Variants in OSBPL5 observed in about 807,000 individuals in gnomAD.
OSBPL5 encodes the protein oxysterol-binding protein-related protein 5.
A neutral mutation model predicts 111.2 loss-of-function variants in OSBPL5; 71 were observed. That is an observed-to-expected ratio of 0.64 (90% CI 0.53 to 0.78). OSBPL5 has a LOEUF of 0.78. Ranked by LOEUF, OSBPL5 falls within the 30% of genes least tolerant of loss-of-function variation. The probability of loss-of-function intolerance (pLI) is 0.00; values close to 1 mark genes in which losing one functional copy is unlikely to be tolerated. For missense variants in OSBPL5, 1,210 were observed against 1,189.3 expected (o/e 1.02, Z -0.26); for synonymous variants, 549 against 513.9 (o/e 1.07, Z -0.93).
Position 3,106,463 on chromosome 11 carries a change from C to T in OSBPL5, c.1059+800G>A, listed in dbSNP as rs760903025. On this transcript the variant is annotated intron_variant, in intron 9 of 21. Coordinates refer to ENST00000263650, the MANE Select transcript of OSBPL5 (RefSeq NM_020896.4). The surrounding 1 kb of genome is among the most constrained non-coding windows in gnomAD (Gnocchi z 8.4). ...TCCTCAGCCTGCACCCGTCACCCAG[C>T]GGAAGCTTAGATCCTGTGATTCCTT... Among the ~76,000 whole-genome samples, 1 of 151,880 alleles carries T rather than the reference C, an allele frequency of 6.6e-6. No individual in the cohort carries two copies. Among genetic ancestry groups the T allele is most frequent in the South Asian group, 2.1e-4 (1 of 4,808 alleles).
rs377169210 is a variant in OSBPL5 at position 3,125,745 on chromosome 11, C to A, written c.219+728G>T. Reference sequence around the variant, plus strand: ...GTGTGAACCCGGGAGGCGGAGCTTGCAGTGAGCCGAGATCGCGCCACTGCA... The same window carrying A: ...GTGTGAACCCGGGAGGCGGAGCTTGAAGTGAGCCGAGATCGCGCCACTGCA... On this transcript the variant is annotated intron_variant, in intron 3 of 21. Transcript: ENST00000263650. Among the ~76,000 whole-genome samples the A allele has an allele frequency of 5.5e-5, 8 of 144,314 alleles. No individual in the cohort carries two copies. The East Asian group carries it at 1.6e-3, about 29-fold the overall frequency. 94.7% of individuals were successfully genotyped at this position (144,314 alleles called of 152,430 possible).
At chr11:3,163,578 C>T (rs1160612531) in intron 1 of OSBPL5, among the ~76,000 whole-genome samples, 1 of 152,192 alleles carries the variant, frequency 6.6e-6, no homozygotes, top group Admixed American at 6.5e-5. Flanking sequence ...GAAAGCAGTC[C>T]TTTGAAGAAC....
At chr11:3,091,568 C>T (rs72844052) in intron 19 of OSBPL5, among the ~76,000 whole-genome samples, 8 of 151,808 alleles carry the variant, frequency 5.3e-5, no homozygotes, top group Non-Finnish European at 1.0e-4. Context: ...GGCTGAGGAG[C>T]GGGACTGCGA....
chr11:3,093,871 G>T (rs200672096), intron 15 of OSBPL5, 36 bp from the exon 16 acceptor site: 2 of 1,586,582 alleles, frequency 1.3e-6, no homozygotes, highest in African/African-American at 1.3e-5. Context: ...CCCAGTGAGC[G>T]GGGGCTGGGG....
At position 3,107,894 on chromosome 11, in the gene OSBPL5, A is replaced by G. The variant is rs1185433901; in HGVS notation, c.743T>C (p.Leu248Pro). 1 of 1,604,686 alleles carries G rather than the reference A, an allele frequency of 6.2e-7. No homozygotes were observed. The highest frequency in any genetic ancestry group is 8.5e-7 in the Non-Finnish European group (1 of 1,179,858). Reference sequence around the variant, plus strand: ...GCCCGGCTTGCAGGTGCCCAGTCTCAGTAGGCTAGAGCAGCGCAGGGCCAG... The same window carrying G: ...GCCCGGCTTGCAGGTGCCCAGTCTCGGTAGGCTAGAGCAGCGCAGGGCCAG... ...LELALRCSSL[L>P]RLGTCKPGRD... The change falls in exon 8 of 22, where the codon CTG (leucine) becomes CCG (proline). Residue 248 changes from leucine to proline, a missense_variant. By Grantham distance (98) the Leu-to-Pro change is moderately conservative. Coordinates refer to ENST00000263650, the MANE Select transcript of OSBPL5 (RefSeq NM_020896.4). The surrounding 1 kb of genome is among the most constrained non-coding windows in gnomAD (Gnocchi z 6.1).
intron 14 of OSBPL5, chr11:3,094,577 T>C (rs1857192104): frequency 2.0e-6 from 1 of 499,176 alleles, no homozygotes; most frequent in African/African-American, 2.0e-5. Flanking sequence ...GCACGGAGCC[T>C]GGGAGGCACG....
At chr11:3,144,144 G>A (rs1355487514) in intron 1 of OSBPL5, among the ~76,000 whole-genome samples, 1 of 152,174 alleles carries the variant, frequency 6.6e-6, no homozygotes, top group Non-Finnish European at 1.5e-5. Context: ...GGTTCAAGCA[G>A]GCTGCATCAG....
intron 7 of OSBPL5, among the ~76,000 whole-genome samples, chr11:3,117,460 T>G (rs1052943861): frequency 3.9e-5 from 6 of 152,244 alleles, no homozygotes; most frequent in Admixed American, 3.3e-4. Context: ...CAAAGTTCCA[T>G]CAAAGACAAT....
intron 1 of OSBPL5, among the ~76,000 whole-genome samples, chr11:3,144,127 G>A (rs1387619967): frequency 1.3e-5 from 2 of 152,174 alleles, no homozygotes; most frequent in Non-Finnish European, 2.9e-5. Context: ...TTTATTGTTT[G>A]TGAGGTGGTT....
At position 3,126,584 on chromosome 11, in the gene OSBPL5, C is replaced by A; in HGVS notation, c.137-29G>T. The A allele has an allele frequency of 6.3e-7, 1 of 1,588,322 alleles. No individual in the cohort carries two copies. On this transcript the variant is annotated intron_variant, in intron 2 of 21. Coordinates refer to ENST00000263650, the MANE Select transcript of OSBPL5 (RefSeq NM_020896.4). This position sits in a 1 kb window ranked among gnomAD's most constrained non-coding sequence, Gnocchi z 6.5. The stretch of plus-strand genomic sequence containing the variant: ...CAAGAGAGCAGTGGGAGTGAGGACC[C>A]AGGCATGGTGGCGTGGCCAGGCTTC...
At chr11:3,139,977 A>G (rs1483821600) in intron 1 of OSBPL5, among the ~76,000 whole-genome samples, 1 of 152,196 alleles carries the variant, frequency 6.6e-6, no homozygotes. Flanking sequence ...AGGCCTGCAG[A>G]GGTGCCCCCC....
In OSBPL5 at chr11:3,109,247, T is replaced by G. The variant is rs1857824818; in HGVS notation, c.692-1302A>C. Among the ~76,000 whole-genome samples, 1 of 151,246 alleles carries G rather than the reference T, an allele frequency of 6.6e-6. No homozygotes were observed. Among genetic ancestry groups the G allele is most frequent in the South Asian group, 2.1e-4 (1 of 4,774 alleles). On this transcript the variant is annotated intron_variant, in intron 7 of 21. Coordinates refer to ENST00000263650, the MANE Select transcript of OSBPL5 (RefSeq NM_020896.4). The surrounding 1 kb of genome is among the most constrained non-coding windows in gnomAD (Gnocchi z 7.4). Reference sequence around the variant, plus strand: ...GGATTACAGGTGCCTGCCTGTAATTTTTTTGTATTTTTAGTAGAGATGGGG... The same window carrying G: ...GGATTACAGGTGCCTGCCTGTAATTGTTTTGTATTTTTAGTAGAGATGGGG...
intron 7 of OSBPL5, among the ~76,000 whole-genome samples, chr11:3,112,620 T>G (rs904904550): frequency 3.9e-5 from 6 of 152,154 alleles, no homozygotes; most frequent in African/African-American, 1.4e-4. Flanking sequence ...TCACGTGGTC[T>G]AACCTCATGA....
Position 3,119,774 on chromosome 11 carries a change from C to T in OSBPL5, c.607-143G>A, listed in dbSNP as rs975571636. The T allele has an allele frequency of 1.2e-5, 8 of 679,028 alleles. No individual in the cohort carries two copies. The South Asian group carries it at 1.6e-4, about 14-fold the overall frequency. The allele number at this position is 679,028 out of a possible 1,614,324, so 42.1% of individuals were successfully genotyped here. On this transcript the variant is annotated intron_variant, in intron 6 of 21. Transcript: ENST00000263650. ...CAGGGCCACCAGGTGGGGCCAGGCA[C>T]CTGGCCAGGTAGACACTTGGCTGCA...
Position 3,110,644 on chromosome 11 carries a change from C to T in OSBPL5, c.692-2699G>A, listed in dbSNP as rs559965045. 6.6e-6 allele frequency among the ~76,000 whole-genome samples: 1 copy of T among 152,266 alleles called. No individual in the cohort carries two copies. The highest frequency in any genetic ancestry group is 2.4e-5 in the African/African-American group (1 of 41,544). On this transcript the variant is annotated intron_variant, in intron 7 of 21. Coordinates refer to ENST00000263650, the MANE Select transcript of OSBPL5 (RefSeq NM_020896.4). This position sits in a 1 kb window ranked among gnomAD's most constrained non-coding sequence, Gnocchi z 5.3. Reference sequence around the variant, plus strand: ...CTGGGAACTGCTTAGGGCCAACCTGCCTCCCATTCTATTCCAAGTCACCCC... The same window carrying T: ...CTGGGAACTGCTTAGGGCCAACCTGTCTCCCATTCTATTCCAAGTCACCCC...
chr11:3,103,859 C>CAGCCCCTTTCCTGCCTCT (rs1564830734), intron 10 of OSBPL5, among the ~76,000 whole-genome samples: 2 of 40,584 alleles, frequency 4.9e-5, no homozygotes, highest in Non-Finnish European at 1.2e-4. Flanking sequence ...TTCCAGTCTG[C>CAGCCCCTTTCCTGCCTCT]GCAGCCCCCT....
At position 3,092,533 on chromosome 11, in the gene OSBPL5, C is replaced by T; in HGVS notation, c.2158G>A (p.Asp720Asn). 6.3e-7 allele frequency: 1 copy of T among 1,590,970 alleles called. No homozygotes were observed. Among genetic ancestry groups the T allele is most frequent in the Non-Finnish European group, 8.6e-7 (1 of 1,168,986 alleles). The change falls in exon 19 of 22, where the codon GAC (aspartate) becomes AAC (asparagine). Residue 720 changes from aspartate (D) to asparagine (N), a missense_variant. By Grantham distance (23) the Asp-to-Asn change is conservative. Transcript: ENST00000263650. This position sits in a 1 kb window ranked among gnomAD's most constrained non-coding sequence, Gnocchi z 5.4. ...CCGTCTTGCTCAAACTGGGCGATGTCCTTCAGGGGGTCCCAGGGGCTGTGG... is the reference window on the plus strand; with the variant it reads ...CCGTCTTGCTCAAACTGGGCGATGTTCTTCAGGGGGTCCCAGGGGCTGTGG... ...EDHSPWDPLK[D>N]IAQFEQDGIL... is the part of the protein sequence containing the mutation.
Position 3,126,601 on chromosome 11 carries a change from C to T in OSBPL5, c.137-46G>A. 1 of 1,533,390 alleles carries T rather than the reference C, an allele frequency of 6.5e-7. No homozygotes were observed. Among genetic ancestry groups the T allele is most frequent in the Non-Finnish European group, 8.8e-7 (1 of 1,132,362 alleles). 95.0% of individuals were successfully genotyped at this position (1,533,390 alleles called of 1,614,324 possible). ...TGAGGACCCAGGCATGGTGGCGTGG[C>T]CAGGCTTCTCAGGCCGCTGCCTGGT... On this transcript the variant is annotated intron_variant, in intron 2 of 21. Transcript: ENST00000263650. This position sits in a 1 kb window ranked among gnomAD's most constrained non-coding sequence, Gnocchi z 6.5.
At chr11:3,119,740 CCAGGGCCA>C (rs1171489017) in intron 6 of OSBPL5, 109 bp from the exon 7 acceptor site, 2 of 1,095,934 alleles carry the variant, frequency 1.8e-6, no homozygotes, top group East Asian at 3.0e-5. Flanking sequence ...CTGGACACCC[CCAGGGCCA>C]CAGGGCCACC....
Sources: gnomAD v4.1 joint callset for allele counts (sites outside exome capture counted in the v4.1 genomes callset) on GRCh38, gnomAD v4.1.1 for gene constraint, Gnocchi (gnomAD v3.1) non-coding constraint, MANE v1.5 for transcripts, NCBI Gene and HGNC (gene_info 2026-07-23, HGNC 2026-07-21) for gene names.